The following IL10RB variants were observed in gnomAD, a reference collection of about 807,000 sequenced individuals.
IL10RB encodes the protein interleukin-10 receptor subunit beta.
In IL10RB, 30 loss-of-function variants were observed where a neutral mutation model predicts 38.7. The observed-to-expected ratio is 0.78, with a 90% CI of 0.58 to 1.05. The LOEUF (loss-of-function observed/expected upper bound fraction) is 1.05, where lower values mean the gene tolerates loss of function less well. Among genes scored for constraint, IL10RB ranks in the 50% least tolerant of loss-of-function variants. IL10RB has a pLI of 0.00. For synonymous variants in IL10RB, 142 were observed against 145.9 expected, an observed-to-expected ratio of 0.97 and a Z score of 0.19; for missense variants, 328 against 397.1, an observed-to-expected ratio of 0.83 and a Z score of 1.48.
intron 1 of IL10RB, among the ~76,000 whole-genome samples, chr21:33,307,326 A>G (rs764209928): frequency 5.3e-5 from 8 of 152,234 alleles, no homozygotes; most frequent in Non-Finnish European, 1.2e-4. Context: ...CACCAAGTAC[A>G]GGCTATGACG....
At chr21:33,299,256 CAATG>C (rs1413759410), downstream of IL10RB, among the ~76,000 whole-genome samples, 24 of 152,250 alleles carry the variant, frequency 1.6e-4, no homozygotes, top group African/African-American at 4.8e-4. Context: ...TAGCATAAGA[CAATG>C]AATCTTGGGT....
At position 33,296,799 on chromosome 21, in the gene IL10RB, T is replaced by TA. The variant is rs2082969162; in HGVS notation, c.*442_*443insA. On this transcript the variant is annotated 3_prime_UTR_variant, in exon 7 of 7. Transcript: ENST00000290200. Reference sequence around the variant, plus strand: ...CCAGTCTCTACTAAAAATACAAAAATTAGCTAGGCATGATGGCGCATGCCT... The same window carrying TA: ...CCAGTCTCTACTAAAAATACAAAAATATAGCTAGGCATGATGGCGCATGCCT... 3 of 345,900 alleles carry TA rather than the reference T, an allele frequency of 8.7e-6. No homozygotes were observed. Among genetic ancestry groups the TA allele is most frequent in the Non-Finnish European group, 1.1e-5 (2 of 175,860 alleles). 21.4% of individuals were successfully genotyped at this position (345,900 alleles called of 1,614,324 possible).
intron 2 of IL10RB, among the ~76,000 whole-genome samples, chr21:33,275,591 T>C (rs1989156293): frequency 6.6e-6 from 1 of 152,244 alleles, no homozygotes; most frequent in African/African-American, 2.4e-5. Context: ...CACTGAGACT[T>C]TCTGCATATT....
At chr21:33,268,562 G>A in intron 2 of IL10RB, 45 bp downstream of exon 2, 1 of 1,386,960 alleles carries the variant, frequency 7.2e-7, no homozygotes, top group Non-Finnish European at 1.0e-6. Flanking sequence ...GGAGGAGCCA[G>A]CCCTGGGCTG....
rs868604197 is a variant in IL10RB, at chr21:33,276,720, T to G, written c.298T>G (p.Trp100Gly). 1.9e-6 allele frequency: 3 copies of G among 1,614,140 alleles called. No individual in the cohort carries two copies. The highest frequency in any genetic ancestry group is 1.6e-4 in the Middle Eastern group (1 of 6,062). Residue 100 changes from tryptophan (W) to glycine (G), a missense_variant, in exon 3 of 7, where the codon TGG becomes GGG. Transcript: ENST00000290200. ...TGAATTTGCAGATGAGCATTCAGAC[T>G]GGGTAAACATCACCTTCTGTCCTGT... ...RAEFADEHSD[W>G]VNITFCPVDD...
At chr21:33,268,255 A>G (rs1423310666) in intron 1 of IL10RB, 139 bp from the exon 2 acceptor site, 25 of 1,551,228 alleles carry the variant, frequency 1.6e-5, no homozygotes, top group Admixed American at 1.2e-4. Context: ...AGCACAGCCA[A>G]CCTGTCTCTC....
intron 2 of IL10RB, among the ~76,000 whole-genome samples, chr21:33,274,019 G>A (rs1989127550): frequency 6.6e-6 from 1 of 152,122 alleles, no homozygotes; most frequent in Non-Finnish European, 1.5e-5. Context: ...CCCTGTTAAT[G>A]TTATATTTTG....
chr21:33,293,349 C>T (rs7282834), intron 6 of IL10RB, among the ~76,000 whole-genome samples: 11,570 of 152,306 alleles, frequency 0.076, 841 homozygotes, highest in African/African-American at 0.18. Flanking sequence ...CTGGGAAGGG[C>T]ACAGCCTAGA....
At chr21:33,306,778 C>A (rs2123616445) in intron 1 of IL10RB, among the ~76,000 whole-genome samples, 1 of 152,264 alleles carries the variant, frequency 6.6e-6, no homozygotes, top group South Asian at 2.1e-4. Context: ...CTCAAGCAAT[C>A]CTCCTGCCTT....
intron 1 of IL10RB, among the ~76,000 whole-genome samples, chr21:33,302,668 G>A (rs1221599127): frequency 1.3e-5 from 2 of 152,196 alleles, no homozygotes; most frequent in African/African-American, 4.8e-5. Flanking sequence ...AGCTGGGACA[G>A]CAGGTGTAGC....
At chr21:33,299,319 G>A (rs1050169483), downstream of IL10RB, among the ~76,000 whole-genome samples, 6 of 152,198 alleles carry the variant, frequency 3.9e-5, no homozygotes, top group African/African-American at 2.4e-5. Flanking sequence ...ACTAAGGGAA[G>A]AACACCTGTG....
chr21:33,300,855 G>GT (rs1292134629), downstream of IL10RB, among the ~76,000 whole-genome samples: 2 of 152,214 alleles, frequency 1.3e-5, no homozygotes, highest in Non-Finnish European at 2.9e-5. Context: ...GCTGGGTAAA[G>GT]TAAGGCTGAA....
intron 1 of IL10RB, among the ~76,000 whole-genome samples, chr21:33,267,503 T>TTTGG (rs1489130574): frequency 1.2e-5 from 1 of 80,718 alleles, no homozygotes; most frequent in African/African-American, 3.9e-5. Flanking sequence ...TGTTTGTTTG[T>TTTGG]TTTTTTGTTT....
intron 4 of IL10RB, among the ~76,000 whole-genome samples, chr21:33,282,407 G>A (rs1024178227): frequency 1.3e-5 from 2 of 152,086 alleles, no homozygotes; most frequent in African/African-American, 2.4e-5. Flanking sequence ...GTGGTAGTGT[G>A]CACCTGTATT....
chr21:33,269,332 G>A lies in IL10RB; in HGVS notation c.173+815G>A, dbSNP rs530980188. On this transcript the variant is annotated intron_variant, in intron 2 of 6. Transcript: ENST00000290200. ...CAGGTGACACACCTTTAGGCCAGGC[G>A]CAAACAGCAGCAGGAGGCCCAAGGC... Among the ~76,000 whole-genome samples the A allele has an allele frequency of 7.9e-5, 12 of 152,270 alleles. No homozygotes were observed. In the South Asian group the frequency reaches 2.1e-3, roughly 26 times the overall value.
chr21:33,300,187 C>A (rs1481543455), downstream of IL10RB, among the ~76,000 whole-genome samples: 1 of 152,114 alleles, frequency 6.6e-6, no homozygotes, highest in East Asian at 1.9e-4. Context: ...CCCCTGTAAT[C>A]CCAGCACTTT....
chr21:33,306,749 C>G (rs2083000021), intron 1 of IL10RB, among the ~76,000 whole-genome samples: 1 of 152,094 alleles, frequency 6.6e-6, no homozygotes, highest in Admixed American at 6.6e-5. Flanking sequence ...GTTGCCCAGG[C>G]TGGTCTTGAA....
At chr21:33,285,627 A>C (rs1822877149) in intron 5 of IL10RB, among the ~76,000 whole-genome samples, 1 of 152,210 alleles carries the variant, frequency 6.6e-6, no homozygotes, top group Non-Finnish European at 1.5e-5. Context: ...AAGATGCCCC[A>C]GTTTGAGACA....
At chr21:33,302,902 C>G (rs1450298243) in intron 1 of IL10RB, among the ~76,000 whole-genome samples, 2 of 152,216 alleles carry the variant, frequency 1.3e-5, no homozygotes, top group African/African-American at 4.8e-5. Context: ...AAGGCTGTAC[C>G]AAGGAGGCCT....
Sources: gnomAD v4.1 joint callset for allele counts (sites outside exome capture counted in the v4.1 genomes callset) on GRCh38, gnomAD v4.1.1 for gene constraint, MANE v1.5 for transcripts, NCBI Gene and HGNC (gene_info 2026-07-23, HGNC 2026-07-21) for gene names.